Variants in RASAL2 observed in about 807,000 individuals in gnomAD.
RASAL2 encodes the protein ras GTPase-activating protein nGAP.
RASAL2 carries 58 observed loss-of-function variants against 128.9 expected under a neutral mutation model. That is an observed-to-expected ratio of 0.45 (90% confidence interval 0.36 to 0.56). RASAL2 has a LOEUF of 0.56. RASAL2 is among the 20% of genes least tolerant of loss of function. RASAL2 has a pLI of 0.00. For synonymous variants in RASAL2, 561 were observed against 580.8 expected (o/e 0.97, Z 0.49); for missense variants, 1,360 against 1,601.6 (o/e 0.85, Z 2.57).
chr1:178,127,141 G>A (rs1659930976), intron 1 of RASAL2, among the ~76,000 whole-genome samples: 1 of 152,182 alleles, frequency 6.6e-6, no homozygotes, highest in African/African-American at 2.4e-5. Context: ...TGTGTGGAAT[G>A]TGTCACAGTA....
chr1:178,342,717 T>A (rs560946369), intron 3 of RASAL2, among the ~76,000 whole-genome samples: 20 of 152,204 alleles, frequency 1.3e-4, no homozygotes, highest in Non-Finnish European at 2.5e-4. Context: ...AATGTATCTG[T>A]TTTACTGAAA....
At chr1:178,095,711 G>A (rs1000849597) in intron 1 of RASAL2, among the ~76,000 whole-genome samples, 2 of 152,094 alleles carry the variant, frequency 1.3e-5, no homozygotes, top group African/African-American at 4.8e-5. Context: ...CAAGACTTAG[G>A]TTTTTTTCTG....
chr1:178,334,139 T>TA (rs1461708340), intron 3 of RASAL2, among the ~76,000 whole-genome samples: 4 of 152,192 alleles, frequency 2.6e-5, no homozygotes, highest in African/African-American at 7.2e-5. Context: ...ATTCATTTCT[T>TA]ATCGTGTTGA....
At chr1:178,420,789 A>G (rs2102749419) in intron 5 of RASAL2, among the ~76,000 whole-genome samples, 169 bp downstream of exon 5, 1 of 152,332 alleles carries the variant, frequency 6.6e-6, no homozygotes, top group South Asian at 2.1e-4. Context: ...TGACTCAAAT[A>G]CCCAACCAGT....
At chr1:178,455,588 C>T (rs1161427893) in intron 12 of RASAL2, among the ~76,000 whole-genome samples, 1 of 152,186 alleles carries the variant, frequency 6.6e-6, no homozygotes, top group Non-Finnish European at 1.5e-5. Context: ...TAAACTGTTC[C>T]TTATTCTCGA....
chr1:178,226,882 G>A (rs1227254876), intron 1 of RASAL2, among the ~76,000 whole-genome samples: 1 of 152,216 alleles, frequency 6.6e-6, no homozygotes, highest in African/African-American at 2.4e-5. Context: ...GGAGGTTGCA[G>A]TGAGCCAAGA....
chr1:178,441,494 C>T, intron 6 of RASAL2, 55 bp from the exon 7 acceptor site: 1 of 1,305,354 alleles, frequency 7.7e-7, no homozygotes, highest in Non-Finnish European at 1.1e-6. Flanking sequence ...ACCCTAATGA[C>T]AGAGCCCTGA....
In RASAL2 at chr1:178,128,451, A is replaced by C. The variant is rs147178022; in HGVS notation, c.202+33757A>C. Among the ~76,000 whole-genome samples the C allele has an allele frequency of 1.7e-3, 257 of 152,250 alleles. 1 individual carries two copies. The highest frequency in any genetic ancestry group is 6.0e-3 in the African/African-American group (249 of 41,576). On this transcript the variant is annotated intron_variant, in intron 1 of 17. Transcript: ENST00000367649. ...AGTTACTCAGAATCTCACATTGGTGATGTTATAATAGAGAGAAGGAAATGA... is the reference window on the plus strand; with the variant it reads ...AGTTACTCAGAATCTCACATTGGTGCTGTTATAATAGAGAGAAGGAAATGA...
chr1:178,382,464 AT>A (rs1309518904), intron 3 of RASAL2, among the ~76,000 whole-genome samples: 1 of 151,816 alleles, frequency 6.6e-6, no homozygotes, highest in African/African-American at 2.4e-5. Flanking sequence ...CATTCATCTT[AT>A]TTTTTTTCTC....
chr1:178,160,520 A>C (rs1357762298), intron 1 of RASAL2, among the ~76,000 whole-genome samples: 1 of 152,168 alleles, frequency 6.6e-6, no homozygotes, highest in Non-Finnish European at 1.5e-5. Context: ...CTGTAATCCC[A>C]GCTACTTGGG....
intron 4 of RASAL2, among the ~76,000 whole-genome samples, chr1:178,410,491 A>T (rs766049329): frequency 6.6e-6 from 1 of 152,214 alleles, no homozygotes; most frequent in Non-Finnish European, 1.5e-5. Flanking sequence ...AGAACCCAAA[A>T]GCAAATGCAA....
intron 1 of RASAL2, among the ~76,000 whole-genome samples, chr1:178,126,594 ATTGTC>A (rs1659907946): frequency 6.6e-6 from 1 of 152,244 alleles, no homozygotes; most frequent in South Asian, 2.1e-4. Flanking sequence ...GTTTATTAAA[ATTGTC>A]TCACTTATTT....
At chr1:178,111,170 C>T (rs184216464) in intron 1 of RASAL2, among the ~76,000 whole-genome samples, 16 of 152,200 alleles carry the variant, frequency 1.1e-4, no homozygotes, top group Admixed American at 1.0e-3. Context: ...TTTGCCAGCT[C>T]GCCTTTTGAT....
In RASAL2 at chr1:178,358,493, T is replaced by C. The variant is rs572712812; in HGVS notation, c.458-31607T>C. On this transcript the variant is annotated intron_variant, in intron 3 of 17. Coordinates refer to ENST00000367649, the MANE Select transcript of RASAL2 (RefSeq NM_170692.4). ...AATAGGCTGAGCATGACCAACTCAATAGAAAAGTGGGCAAGAGATATAAAG... is the reference window on the plus strand; with the variant it reads ...AATAGGCTGAGCATGACCAACTCAACAGAAAAGTGGGCAAGAGATATAAAG... Among the ~76,000 whole-genome samples, 4 of 152,098 alleles carry C rather than the reference T, an allele frequency of 2.6e-5. No individual in the cohort carries two copies. The South Asian group carries it at 8.3e-4, about 32-fold the overall frequency.
chr1:178,219,900 G>A lies in RASAL2; in HGVS notation c.203-63664G>A, dbSNP rs556709474. Among the ~76,000 whole-genome samples, 44 of 152,174 alleles carry A rather than the reference G, an allele frequency of 2.9e-4. No individual in the cohort carries two copies. In the South Asian group the frequency reaches 6.2e-3, roughly 22 times the overall value. On this transcript the variant is annotated intron_variant, in intron 1 of 17. Coordinates refer to ENST00000367649, the MANE Select transcript of RASAL2 (RefSeq NM_170692.4). ...TGTGACCTCCAATGTTGGAGGTGAG[G>A]CCTAGTGGGAGGTGTCTGACTAATA...
intron 4 of RASAL2, among the ~76,000 whole-genome samples, chr1:178,397,080 C>T (rs927901720): frequency 1.1e-4 from 16 of 152,230 alleles, no homozygotes; most frequent in African/African-American, 3.9e-4. Flanking sequence ...CTCCTCAAAA[C>T]ATTAAATGTA....
chr1:178,095,757 G>T (rs1312434200), intron 1 of RASAL2, among the ~76,000 whole-genome samples: 1 of 152,078 alleles, frequency 6.6e-6, no homozygotes, highest in Non-Finnish European at 1.5e-5. Context: ...AATGTCCATC[G>T]CAAAGATCAT....
chr1:178,206,594 G>C (rs1210986303), intron 1 of RASAL2, among the ~76,000 whole-genome samples: 1 of 152,190 alleles, frequency 6.6e-6, no homozygotes, highest in Non-Finnish European at 1.5e-5. Flanking sequence ...GTTCTTTACA[G>C]TTCATCACTG....
intron 1 of RASAL2, among the ~76,000 whole-genome samples, chr1:178,219,673 T>C (rs1270748471): frequency 6.6e-6 from 1 of 151,698 alleles, no homozygotes; most frequent in Non-Finnish European, 1.5e-5. Context: ...AGAAAAATAA[T>C]TTTTCCATTT....
Sources: allele counts gnomAD v4.1 joint callset (sites outside exome capture counted in the v4.1 genomes callset), GRCh38; gene constraint gnomAD v4.1.1; transcripts MANE v1.5; gene names NCBI Gene and HGNC (gene_info 2026-07-23, HGNC 2026-07-21).